JARID2: variants seen among roughly 807,000 people sequenced by gnomAD.
JARID2 encodes protein Jumonji.
A neutral mutation model predicts 125.6 loss-of-function variants in JARID2; 21 were observed. The ratio of observed to expected loss-of-function variants is 0.17; its 90% CI spans 0.12 to 0.24. JARID2 has a LOEUF of 0.24. JARID2 is among the 10% of genes least tolerant of loss of function. The pLI is 1.00. For missense variants in JARID2, 1,303 were observed against 1,639.6 expected, an observed-to-expected ratio of 0.79 and a Z score of 3.55; for synonymous variants, 736 against 661.6, an observed-to-expected ratio of 1.11 and a Z score of -1.73.
At chr6:15,384,797 G>C (rs1359137850) in intron 2 of JARID2, among the ~76,000 whole-genome samples, 2 of 152,016 alleles carry the variant, frequency 1.3e-5, no homozygotes, top group African/African-American at 4.8e-5. Context: ...TCGAACTGCC[G>C]GGCTTAAGTG....
intron 1 of JARID2, among the ~76,000 whole-genome samples, chr6:15,282,241 CAT>C (rs1182036217): frequency 1.3e-5 from 2 of 152,022 alleles, no homozygotes; most frequent in Non-Finnish European, 2.9e-5. Context: ...CAGCGCCTGT[CAT>C]GTGCTGTTTT....
intron 3 of JARID2, among the ~76,000 whole-genome samples, chr6:15,434,729 T>G (rs924576796): frequency 6.6e-6 from 1 of 152,242 alleles, no homozygotes; most frequent in East Asian, 1.9e-4. Context: ...ATCTGCTGTT[T>G]CCTCATCTAT....
chr6:15,249,593 A>G (rs73724791), intron 1 of JARID2, among the ~76,000 whole-genome samples: 129 of 152,338 alleles, frequency 8.5e-4, no homozygotes, highest in African/African-American at 2.9e-3. Context: ...TGGAAGATGT[A>G]AAACAGTATG....
intron 3 of JARID2, among the ~76,000 whole-genome samples, chr6:15,414,777 A>G (rs1301751367): frequency 6.6e-6 from 1 of 151,798 alleles, no homozygotes; most frequent in Non-Finnish European, 1.5e-5. Flanking sequence ...TTTTTTTTAA[A>G]TGATATATTT....
At position 15,348,145 on chromosome 6, in the gene JARID2, GC is replaced by G. The variant is rs148652934; in HGVS notation, c.46-25971del. Reference sequence around the variant, plus strand: ...CTAGCTCTGTCACCCAAGCTGTAGTGCAGTGGTGTGATCTCGGCTCACTGCA... The same window carrying G: ...CTAGCTCTGTCACCCAAGCTGTAGTGAGTGGTGTGATCTCGGCTCACTGCA... On this transcript the variant is annotated intron_variant, in intron 1 of 17. Coordinates refer to ENST00000341776, the MANE Select transcript of JARID2 (RefSeq NM_004973.4). Among the ~76,000 whole-genome samples the G allele has an allele frequency of 5.2e-3, 780 of 151,368 alleles. 5 individuals are homozygous for G. The highest frequency in any genetic ancestry group is 0.018 in the African/African-American group (755 of 41,244).
chr6:15,323,345 C>T (rs1047894124), intron 1 of JARID2, among the ~76,000 whole-genome samples: 1 of 152,178 alleles, frequency 6.6e-6, no homozygotes, highest in East Asian at 1.9e-4. Context: ...TGTGACTCAC[C>T]CTAGCCCAGC....
intron 1 of JARID2, among the ~76,000 whole-genome samples, chr6:15,275,456 T>G (rs1760460006): frequency 6.7e-6 from 1 of 149,832 alleles, no homozygotes; most frequent in Non-Finnish European, 1.5e-5. Context: ...GCTGACTAGG[T>G]GTTCAAGTCA....
intron 12 of JARID2, 56 bp downstream of exon 12, chr6:15,508,510 T>G: frequency 6.5e-6 from 6 of 927,076 alleles, no homozygotes; most frequent in Non-Finnish European, 1.1e-5. Context: ...TATTACCACA[T>G]GAAGTGGGGC....
intron 6 of JARID2, among the ~76,000 whole-genome samples, chr6:15,491,982 T>G (rs1334078877): frequency 2.6e-5 from 4 of 152,266 alleles, no homozygotes; most frequent in African/African-American, 9.6e-5. Context: ...CCAGTACTCA[T>G]CTGGCCGAAC....
At chr6:15,477,651 G>A (rs1769413401) in intron 5 of JARID2, among the ~76,000 whole-genome samples, 1 of 151,980 alleles carries the variant, frequency 6.6e-6, no homozygotes, top group Non-Finnish European at 1.5e-5. Context: ...CATGATTACA[G>A]CACTGACACA....
chr6:15,311,856 C>T (rs1021615949), intron 1 of JARID2, among the ~76,000 whole-genome samples: 9 of 151,720 alleles, frequency 5.9e-5, no homozygotes, highest in South Asian at 2.1e-4. Flanking sequence ...CTTTTAACTA[C>T]GTGAAACTGG....
intron 16 of JARID2, among the ~76,000 whole-genome samples, chr6:15,516,134 C>T (rs1283773487): frequency 1.3e-5 from 2 of 152,136 alleles, no homozygotes; most frequent in Non-Finnish European, 2.9e-5. Context: ...CTGTCCTTGG[C>T]CCCGTGTCTC....
intron 1 of JARID2, among the ~76,000 whole-genome samples, chr6:15,254,764 G>C (rs554177629): frequency 7.2e-5 from 11 of 152,156 alleles, no homozygotes; most frequent in Non-Finnish European, 1.5e-4. Flanking sequence ...ACAGGGCCGG[G>C]CGCGGTGGCT....
Position 15,507,139 on chromosome 6 carries a change from G to A in JARID2, c.2545G>A (p.Glu849Lys). 6.2e-7 allele frequency: 1 copy of A among 1,600,204 alleles called. No homozygotes were observed. The highest frequency in any genetic ancestry group is 8.6e-7 in the Non-Finnish European group (1 of 1,167,364). ...KEPAPAEIEQEYWRLVEEKDC... is the reference protein window; with the variant it reads ...KEPAPAEIEQKYWRLVEEKDC... ...AGCCCTTTCCTGTTCCCTGCAGCAA[G>A]AGTACTGGAGGCTAGTGGAAGAGAA... Residue 849 changes from glutamate to lysine, a missense_variant, in exon 10 of 18, where the codon GAG becomes AAG. By Grantham distance (56) the Glu-to-Lys change is moderately conservative. Around this residue, in one of 11 missense-constraint regions of JARID2, gnomAD observed 29 missense variants for 47.7 expected, o/e 0.61. Transcript: ENST00000341776.
In JARID2 at chr6:15,520,926, A is replaced by C; in HGVS notation, c.*675A>C. On this transcript the variant is annotated 3_prime_UTR_variant, in exon 18 of 18. Coordinates refer to ENST00000341776, the MANE Select transcript of JARID2 (RefSeq NM_004973.4). Reference sequence around the variant, plus strand: ...TCTGTTCCAGGAAAGAAGAAAAGCGAGCGAGGAAGACGGAAAAGACTGCCT... The same window carrying C: ...TCTGTTCCAGGAAAGAAGAAAAGCGCGCGAGGAAGACGGAAAAGACTGCCT... 1 of 432,462 alleles carries C rather than the reference A, an allele frequency of 2.3e-6. No homozygotes were observed. The highest frequency in any genetic ancestry group is 1.6e-5 in the South Asian group (1 of 62,756). 26.8% of individuals were successfully genotyped at this position (432,462 alleles called of 1,614,324 possible).
At chr6:15,506,325 G>T (rs1771004306) in intron 9 of JARID2, among the ~76,000 whole-genome samples, 1 of 152,214 alleles carries the variant, frequency 6.6e-6, no homozygotes, top group Non-Finnish European at 1.5e-5. Flanking sequence ...AGGGAATCCA[G>T]TCATTTAATG....
intron 1 of JARID2, among the ~76,000 whole-genome samples, chr6:15,287,703 C>T (rs185148117): frequency 4.3e-4 from 65 of 152,330 alleles, no homozygotes; most frequent in Non-Finnish European, 6.3e-4. Context: ...AGCTATCCCA[C>T]TGTTGTCAGG....
chr6:15,502,082 C>T (rs922035405), intron 8 of JARID2, among the ~76,000 whole-genome samples: 4 of 152,264 alleles, frequency 2.6e-5, no homozygotes, highest in East Asian at 1.9e-4. Flanking sequence ...ACCATTCACA[C>T]GCTGTGGAGG....
intron 1 of JARID2, chr6:15,248,982 G>T: frequency 3.0e-6 from 3 of 984,804 alleles, no homozygotes; most frequent in Non-Finnish European, 3.6e-6. Context: ...CCGGGGAGCC[G>T]TAGGTCCCCA....
Sources: gnomAD v4.1 joint callset for allele counts (sites outside exome capture counted in the v4.1 genomes callset) on GRCh38, gnomAD v4.1.1 for gene constraint, gnomAD v4.1.1 regional missense constraint, MANE v1.5 for transcripts, NCBI Gene and HGNC (gene_info 2026-07-23, HGNC 2026-07-21) for gene names.